Variants in MACROD2 observed in about 807,000 individuals in gnomAD.
MACROD2 encodes ADP-ribose glycohydrolase MACROD2.
A neutral mutation model predicts 70.4 loss-of-function variants in MACROD2; 36 were observed. That is an observed-to-expected ratio of 0.51 (90% CI 0.39 to 0.68). The LOEUF is 0.68. MACROD2 is among the 30% of genes least tolerant of loss of function. The pLI is 0.00. For missense variants in MACROD2, 496 were observed against 538.4 expected, an observed-to-expected ratio of 0.92 and a Z score of 0.78; for synonymous variants, 172 against 178.8, an observed-to-expected ratio of 0.96 and a Z score of 0.30.
chr20:14,269,934 T>A (rs2082177070), intron 3 of MACROD2, among the ~76,000 whole-genome samples: 1 of 152,140 alleles, frequency 6.6e-6, no homozygotes, highest in Admixed American at 6.5e-5. Context: ...TTCTTGTTAT[T>A]GGTTACTCCC....
intron 8 of MACROD2, among the ~76,000 whole-genome samples, chr20:15,749,371 A>C (rs17625977): frequency 0.11 from 17,387 of 152,008 alleles, 1,134 homozygotes; most frequent in Admixed American, 0.15. Flanking sequence ...ACTTGTCACT[A>C]TTTGAAATTA....
chr20:14,412,217 T>A (rs2083757445), intron 3 of MACROD2, among the ~76,000 whole-genome samples: 1 of 152,174 alleles, frequency 6.6e-6, no homozygotes, highest in Non-Finnish European at 1.5e-5. Flanking sequence ...TGAGGACTTC[T>A]GTCTTAGCTG....
At chr20:14,657,973 TA>T (rs71753036) in intron 4 of MACROD2, among the ~76,000 whole-genome samples, 6,424 of 134,694 alleles carry the variant, frequency 0.048, 251 homozygotes, top group African/African-American at 0.12. Context: ...TGGACATAGT[TA>T]AAAAAAAAAA....
intron 6 of MACROD2, among the ~76,000 whole-genome samples, chr20:15,317,031 C>G (rs2077818495): frequency 1.3e-5 from 2 of 151,938 alleles, no homozygotes; most frequent in Admixed American, 1.3e-4. Context: ...AACACACATA[C>G]ACAAACTTAC....
chr20:14,136,111 A>G (rs186552539), intron 3 of MACROD2, among the ~76,000 whole-genome samples: 12 of 152,348 alleles, frequency 7.9e-5, no homozygotes, highest in Non-Finnish European at 1.2e-4. Context: ...ATGCTGCTAG[A>G]ACAAATAAGT....
intron 7 of MACROD2, among the ~76,000 whole-genome samples, chr20:15,432,440 C>T (rs949723217): frequency 6.6e-6 from 1 of 152,058 alleles, no homozygotes; most frequent in Non-Finnish European, 1.5e-5. Flanking sequence ...GATTCCCCTA[C>T]AGCCTGTCTT....
chr20:15,677,206 G>C (rs558647608), intron 8 of MACROD2, among the ~76,000 whole-genome samples: 1 of 152,162 alleles, frequency 6.6e-6, no homozygotes, highest in Admixed American at 6.5e-5. Flanking sequence ...GACTATTGTA[G>C]TAATCTCTTT....
intron 5 of MACROD2, among the ~76,000 whole-genome samples, chr20:15,085,470 G>T (rs927950696): frequency 6.6e-5 from 10 of 151,972 alleles, no homozygotes; most frequent in African/African-American, 2.2e-4. Flanking sequence ...CAGAAGGAGA[G>T]AAAATATTTG....
At chr20:15,488,495 A>G (rs898430230) in intron 7 of MACROD2, among the ~76,000 whole-genome samples, 1 of 152,224 alleles carries the variant, frequency 6.6e-6, no homozygotes, top group African/African-American at 2.4e-5. Flanking sequence ...CAAAACGGAC[A>G]TCATTTCAGG....
chr20:15,264,428 T>C (rs1167549719), intron 6 of MACROD2, among the ~76,000 whole-genome samples: 1 of 152,122 alleles, frequency 6.6e-6, no homozygotes, highest in African/African-American at 2.4e-5. Context: ...GACAGGTTAA[T>C]AGGAGAAAAA....
chr20:14,146,319 C>G (rs887878390), intron 3 of MACROD2, among the ~76,000 whole-genome samples: 28 of 150,964 alleles, frequency 1.9e-4, no homozygotes, highest in African/African-American at 6.8e-4. Context: ...ACCTCCGCCT[C>G]AGGAAAAAAA....
intron 5 of MACROD2, among the ~76,000 whole-genome samples, chr20:14,877,904 C>T (rs143396938): frequency 5.7e-4 from 86 of 152,008 alleles, no homozygotes; most frequent in African/African-American, 1.9e-3. Context: ...TTTGTGTCTA[C>T]GTTCATCAGG....
At chr20:14,236,178 C>G (rs957077479) in intron 3 of MACROD2, among the ~76,000 whole-genome samples, 1 of 151,958 alleles carries the variant, frequency 6.6e-6, no homozygotes, top group African/African-American at 2.4e-5. Flanking sequence ...CTTTGATTTG[C>G]TTGTGCTTAC....
intron 5 of MACROD2, among the ~76,000 whole-genome samples, chr20:14,953,268 T>C (rs1046542994): frequency 1.3e-5 from 2 of 152,120 alleles, no homozygotes; most frequent in African/African-American, 4.8e-5. Context: ...GTTGTGACCT[T>C]AAAGAGCAAG....
intron 8 of MACROD2, among the ~76,000 whole-genome samples, chr20:15,846,570 G>C (rs2064233163): frequency 6.6e-6 from 1 of 152,096 alleles, no homozygotes; most frequent in Admixed American, 6.6e-5. Flanking sequence ...ATTTTTGGCA[G>C]AACAAAGGAA....
intron 5 of MACROD2, among the ~76,000 whole-genome samples, chr20:14,889,895 G>A (rs1214439804): frequency 6.6e-6 from 1 of 152,074 alleles, no homozygotes; most frequent in African/African-American, 2.4e-5. Flanking sequence ...GTATGGGGAG[G>A]ATGACATGGC....
At chr20:14,030,719 A>T (rs2053236321) in intron 2 of MACROD2, among the ~76,000 whole-genome samples, 1 of 152,154 alleles carries the variant, frequency 6.6e-6, no homozygotes. Context: ...TTAATCAAAA[A>T]AAGGTTTTAA....
At position 14,207,302 on chromosome 20, in the gene MACROD2, A is replaced by T. The variant is rs369670947; in HGVS notation, c.271+121574A>T. On this transcript the variant is annotated intron_variant, in intron 3 of 17. Coordinates refer to ENST00000684519, the MANE Select transcript of MACROD2 (RefSeq NM_001351661.2). Reference sequence around the variant, plus strand: ...TTTTTAGTAGAGACGGGGTTTCACCATGTTGGCCAGGATGGTCTCGATCTC... The same window carrying T: ...TTTTTAGTAGAGACGGGGTTTCACCTTGTTGGCCAGGATGGTCTCGATCTC... Among the ~76,000 whole-genome samples, 4 of 152,040 alleles carry T rather than the reference A, an allele frequency of 2.6e-5. No homozygotes were observed. In the South Asian group the frequency reaches 8.3e-4, roughly 32 times the overall value.
intron 3 of MACROD2, among the ~76,000 whole-genome samples, chr20:14,195,334 T>G (rs945036821): frequency 6.6e-6 from 1 of 152,116 alleles, no homozygotes; most frequent in Non-Finnish European, 1.5e-5. Flanking sequence ...TGGGCTGTTC[T>G]CTGCTTAGGT....
Sources: gnomAD v4.1 joint callset for allele counts (sites outside exome capture counted in the v4.1 genomes callset) on GRCh38, gnomAD v4.1.1 for gene constraint, MANE v1.5 for transcripts, NCBI Gene and HGNC (gene_info 2026-07-23, HGNC 2026-07-21) for gene names.